The following NHSL2 variants were observed in gnomAD, a reference collection of about 807,000 sequenced individuals.
The protein encoded by NHSL2 is NHS like 2, also known as NHS-like protein 2.
Under a neutral mutation model 53.4 loss-of-function variants are expected in NHSL2, and 27 were observed. The observed-to-expected ratio is 0.51, with a 90% CI of 0.37 to 0.70. The LOEUF (loss-of-function observed/expected upper bound fraction) is 0.70. Among genes scored for constraint, NHSL2 ranks in the 30% least tolerant of loss-of-function variants. NHSL2 has a pLI of 0.00. For synonymous variants in NHSL2, 408 were observed against 404.1 expected (o/e 1.01, Z -0.12); for missense variants, 892 against 980.1 (o/e 0.91, Z 1.20).
At chrX:72,012,600 C>CA (rs1331455463) in intron 1 of NHSL2, among the ~76,000 whole-genome samples, 1 of 112,569 alleles carries the variant, frequency 8.9e-6, no homozygotes, top group African/African-American at 3.2e-5. Context: ...ATTTAGGACT[C>CA]ACTTGAATCC....
rs1037175565 is a variant in NHSL2 at position 71,998,113 on chromosome X, T to C, written c.280+86746T>C. Among the ~76,000 whole-genome samples the C allele has an allele frequency of 1.5e-4, 17 of 111,620 alleles. 1 individual carries two copies. In the Admixed American group the frequency reaches 1.6e-3, roughly 11 times the overall value. On this transcript the variant is annotated intron_variant, in intron 1 of 7. Coordinates refer to ENST00000633930, the MANE Select transcript of NHSL2 (RefSeq NM_001013627.3). ...AGCTGTCAAATATTAGTAAAAGCAT[T>C]CGTTCATCCATTCATTCAGTCATCT...
At chrX:72,135,609 C>T (rs1189712170) in intron 4 of NHSL2, among the ~76,000 whole-genome samples, 1 of 112,265 alleles carries the variant, frequency 8.9e-6, no homozygotes, top group Non-Finnish European at 1.9e-5. Flanking sequence ...ATATGGGGTC[C>T]TCCACTGTCA....
intron 1 of NHSL2, among the ~76,000 whole-genome samples, chrX:71,995,461 C>T (rs2042046012): frequency 8.9e-6 from 1 of 112,163 alleles, no homozygotes; most frequent in Middle Eastern, 4.2e-3. Flanking sequence ...TGTAGGACCT[C>T]ACCTCCTGCT....
chrX:72,032,592 C>T, intron 1 of NHSL2, among the ~76,000 whole-genome samples: 1 of 111,378 alleles, frequency 9.0e-6, no homozygotes, highest in Non-Finnish European at 1.9e-5. Flanking sequence ...GGCATGGTGG[C>T]TCACACCTGT....
At chrX:72,080,783 A>C (rs1036199559) in intron 1 of NHSL2, among the ~76,000 whole-genome samples, 2 of 111,737 alleles carry the variant, frequency 1.8e-5, no homozygotes, top group African/African-American at 6.5e-5. Flanking sequence ...CATGTAGGCA[A>C]GGAGAGGCAG....
rs767670708 is a variant in NHSL2, at chrX:72,139,263, C to T, written c.1715C>T (p.Thr572Ile). The part of the protein sequence containing the change: ...RKAKKKPSPP[T>I]RSVSLVKDEP... ...GCCAAAAAGAAGCCTTCCCCACCCA[C>T]ACGCAGTGTCTCACTGGTCAAAGAT... Residue 572 changes from threonine to isoleucine, a missense_variant, in exon 6 of 8, where the codon ACA (threonine) becomes ATA (isoleucine). By Grantham distance (89) the Thr-to-Ile change is moderately conservative. Transcript: ENST00000633930. The T allele has an allele frequency of 2.5e-6, 3 of 1,195,732 alleles. No homozygotes were observed. Among genetic ancestry groups the T allele is most frequent in the South Asian group, 1.8e-5 (1 of 55,009 alleles).
At chrX:72,008,068 CA>C (rs1222045852) in intron 1 of NHSL2, among the ~76,000 whole-genome samples, 9 of 113,057 alleles carry the variant, frequency 8.0e-5, no homozygotes, top group African/African-American at 2.9e-4. Flanking sequence ...GGAGGTATTT[CA>C]AGCTGGAGGC....
intron 1 of NHSL2, among the ~76,000 whole-genome samples, chrX:72,017,497 G>A (rs1302847642): frequency 4.4e-5 from 5 of 112,801 alleles, no homozygotes; most frequent in African/African-American, 9.7e-5. Flanking sequence ...ATTCAGTAGC[G>A]TGAGGCAGCC....
intron 1 of NHSL2, among the ~76,000 whole-genome samples, chrX:72,096,196 T>C (rs937180605): frequency 2.7e-5 from 3 of 111,211 alleles, no homozygotes; most frequent in Admixed American, 9.5e-5. Context: ...CTGCCTGCAA[T>C]AGTGGCTTGG....
At chrX:72,094,347 C>T (rs150953863) in intron 1 of NHSL2, among the ~76,000 whole-genome samples, 1,569 of 111,641 alleles carry the variant, frequency 0.014, 16 homozygotes, top group Non-Finnish European at 0.023. Context: ...ACAACCCATA[C>T]TGTATAGTTT....
At chrX:72,048,073 A>G (rs202225307) in intron 1 of NHSL2, among the ~76,000 whole-genome samples, 102 of 2,305 alleles carry the variant, frequency 0.044, 1 homozygote, top group Admixed American at 0.12. Context: ...TCATGATGAT[A>G]ACAATAATAA....
intron 1 of NHSL2, among the ~76,000 whole-genome samples, chrX:71,986,457 CT>C (rs2042003326): frequency 8.9e-6 from 1 of 112,203 alleles, no homozygotes; most frequent in African/African-American, 3.2e-5. Flanking sequence ...CCAATTGAAT[CT>C]TGAATCTGTC....
intron 1 of NHSL2, among the ~76,000 whole-genome samples, chrX:72,105,743 T>C (rs1309602481): frequency 1.8e-5 from 2 of 111,938 alleles, no homozygotes; most frequent in African/African-American, 6.5e-5. Context: ...AATACTGTTA[T>C]AGCCACCAGG....
chrX:72,048,031 G>T (rs2042314583), intron 1 of NHSL2, among the ~76,000 whole-genome samples: 1 of 105,877 alleles, frequency 9.4e-6, no homozygotes, highest in African/African-American at 3.5e-5. Flanking sequence ...GTGCCATTAA[G>T]AGTTCACTGC....
chrX:71,930,979 T>G (rs1043396231), intron 1 of NHSL2, among the ~76,000 whole-genome samples: 2 of 112,304 alleles, frequency 1.8e-5, no homozygotes, highest in African/African-American at 6.5e-5. Context: ...TGCCAGACTG[T>G]TTTCTACAGA....
chrX:72,047,418 G>A (rs1314824628), intron 1 of NHSL2, among the ~76,000 whole-genome samples: 2 of 112,129 alleles, frequency 1.8e-5, no homozygotes, highest in Non-Finnish European at 3.8e-5. Flanking sequence ...CCATTCTCAG[G>A]GACTTTGTCT....
chrX:72,015,880 GTTCT>G (rs1206232679), intron 1 of NHSL2, among the ~76,000 whole-genome samples: 1 of 111,505 alleles, frequency 9.0e-6, no homozygotes, highest in Non-Finnish European at 1.9e-5. Flanking sequence ...TATTTTTATT[GTTCT>G]TTGTCTAATA....
intron 1 of NHSL2, among the ~76,000 whole-genome samples, chrX:72,109,657 C>T (rs191209518): frequency 1.2e-3 from 130 of 110,702 alleles, no homozygotes; most frequent in African/African-American, 3.4e-3. Context: ...TTAGTAGAGA[C>T]GGGGTTTCAC....
rs2042500007 is a variant in NHSL2 at position 72,150,073 on chromosome X, A to G, written c.*6499A>G. ...CCCAGGTATTTCAATGAACTAATAT[A>G]TATGCTTTAAGGGAAAATGTTCAAG... On this transcript the variant is annotated 3_prime_UTR_variant, in exon 8 of 8. Transcript: ENST00000633930. 2.7e-5 allele frequency: 3 copies of G among 112,752 alleles called. No homozygotes were observed. Among genetic ancestry groups the G allele is most frequent in the Non-Finnish European group, 5.6e-5 (3 of 53,378 alleles). 9.3% of individuals were successfully genotyped at this position (112,752 alleles called of 1,213,427 possible).
Sources: gnomAD v4.1 joint callset for allele counts (sites outside exome capture counted in the v4.1 genomes callset) on GRCh38, gnomAD v4.1.1 for gene constraint, MANE v1.5 for transcripts, NCBI Gene and HGNC (gene_info 2026-07-23, HGNC 2026-07-21) for gene names.